Variants in SAV1 observed in about 807,000 individuals in gnomAD.
SAV1 encodes the protein salvador family WW domain containing protein 1.
In SAV1, 23 loss-of-function variants were observed where a neutral mutation model predicts 47.3. The observed-to-expected ratio is 0.49, with a 90% CI of 0.35 to 0.69. The LOEUF is 0.69. Among genes scored for constraint, SAV1 ranks in the 30% least tolerant of loss-of-function variants. The pLI is 0.01. For synonymous variants in SAV1, 155 were observed against 159.2 expected (o/e 0.97, Z 0.20); for missense variants, 448 against 457.4 (o/e 0.98, Z 0.19).
chr14:50,664,762 G>A (rs1231417218), intron 2 of SAV1: 1 of 154,846 alleles, frequency 6.5e-6, no homozygotes. Flanking sequence ...AGCATGCCCA[G>A]TTGTTCCTAC....
At chr14:50,650,718 T>C (rs1483689640) in intron 2 of SAV1, among the ~76,000 whole-genome samples, 1 of 152,010 alleles carries the variant, frequency 6.6e-6, no homozygotes, top group Non-Finnish European at 1.5e-5. Context: ...GCCTTGTGAG[T>C]GAACTTAGAA....
chr14:50,666,635 C>A (rs1354600439), intron 1 of SAV1, among the ~76,000 whole-genome samples: 1 of 152,122 alleles, frequency 6.6e-6, no homozygotes, highest in African/African-American at 2.4e-5. Flanking sequence ...ACATGTACCC[C>A]AGAACTTAAA....
Position 50,635,091 on chromosome 14 carries a change from C to A in SAV1, c.*92G>T. 4 of 810,512 alleles carry A rather than the reference C, an allele frequency of 4.9e-6. No individual in the cohort carries two copies. The highest frequency in any genetic ancestry group is 1.7e-5 in the South Asian group (1 of 59,790). 50.2% of individuals were successfully genotyped at this position (810,512 alleles called of 1,614,324 possible). A position where few individuals can be genotyped will look rare whatever the true frequency, so the allele number is the denominator to read the frequency against. On this transcript the variant is annotated 3_prime_UTR_variant, in exon 5 of 5. Transcript: ENST00000324679. ...AATTTTATAATTTCCACAAAGGAAG[C>A]AGCATTTATTAACCAGAGTACTTGT...
Position 50,665,339 on chromosome 14 carries a change from T to C in SAV1, c.375A>G (p.Glu125=). 6.2e-7 allele frequency: 1 copy of C among 1,613,752 alleles called. No individual in the cohort carries two copies. The highest frequency in any genetic ancestry group is 1.1e-5 in the South Asian group (1 of 91,046). Residue 125 remains glutamate, a synonymous_variant, in exon 2 of 5, where the codon GAA becomes GAG. Coordinates refer to ENST00000324679, the MANE Select transcript of SAV1 (RefSeq NM_021818.4). ...AATATCGGGAACCAGAGTCTCCATT[T>C]TCAACAGCAAAACTAACTTCCGTTA... ...SFVTEVSFAV[E]NGDSGSRYYY...
intron 2 of SAV1, among the ~76,000 whole-genome samples, chr14:50,663,821 G>C (rs11850009): frequency 0.02 from 2,989 of 152,226 alleles, 101 homozygotes; most frequent in African/African-American, 0.068. Flanking sequence ...AAATGTGCAA[G>C]AGCTTCCACT....
chr14:50,656,506 G>T (rs149315254), intron 2 of SAV1, among the ~76,000 whole-genome samples: 6,343 of 147,454 alleles, frequency 0.043, 161 homozygotes, highest in South Asian at 0.066. Context: ...GCGGTGGCGC[G>T]ATCTCCGCTC....
At chr14:50,643,809 AAC>A (rs1467037799) in intron 3 of SAV1, among the ~76,000 whole-genome samples, 1 of 152,246 alleles carries the variant, frequency 6.6e-6, no homozygotes, top group East Asian at 1.9e-4. Flanking sequence ...TAATTAAAAC[AAC>A]ACAATAATGA....
At chr14:50,664,025 C>G (rs756775762) in intron 2 of SAV1, among the ~76,000 whole-genome samples, 6 of 152,190 alleles carry the variant, frequency 3.9e-5, no homozygotes, top group Non-Finnish European at 8.8e-5. Context: ...AAGCTCAAGG[C>G]CCACTCCAAG....
At chr14:50,646,943 C>T (rs79294876) in intron 2 of SAV1, among the ~76,000 whole-genome samples, 4 of 152,186 alleles carry the variant, frequency 2.6e-5, no homozygotes, top group Non-Finnish European at 5.9e-5. Context: ...TCCAGAAGAA[C>T]ACCCACACAG....
chr14:50,656,020 G>A (rs1173863424), intron 2 of SAV1, among the ~76,000 whole-genome samples: 1 of 152,176 alleles, frequency 6.6e-6, no homozygotes, highest in Admixed American at 6.5e-5. Flanking sequence ...ACTCCAGCCT[G>A]GGCAACAAAA....
At chr14:50,665,652 C>A in intron 1 of SAV1, 33 bp from the exon 2 acceptor site, 3 of 1,510,578 alleles carry the variant, frequency 2.0e-6, no homozygotes, top group South Asian at 2.6e-5. Context: ...ATTACCCTTT[C>A]ATCATTAAGT....
At chr14:50,654,184 T>G (rs1277564983) in intron 2 of SAV1, among the ~76,000 whole-genome samples, 1 of 152,234 alleles carries the variant, frequency 6.6e-6, no homozygotes, top group African/African-American at 2.4e-5. Flanking sequence ...CTGTAGCATG[T>G]GATGCTGTTT....
At chr14:50,659,073 ATT>A (rs33946852) in intron 2 of SAV1, among the ~76,000 whole-genome samples, 86,380 of 131,148 alleles carry the variant, frequency 0.66, 27,498 homozygotes, top group East Asian at 0.77. Context: ...GCTGTAAAGA[ATT>A]TTTTTTTTTT....
chr14:50,640,843 G>A lies in SAV1; in HGVS notation c.857C>T (p.Thr286Ile), dbSNP rs747083851. The stretch of plus-strand genomic sequence containing the variant: ...TACCAGAAGGGACTGATTTCTTTCA[G>A]TTTGCTGTGGCTGGTATGTGACAGG... ...PPPVTYQPQQTERNQSLLVPA... is the reference protein window; with the variant it reads ...PPPVTYQPQQIERNQSLLVPA... Residue 286 changes from threonine (T) to isoleucine (I), a missense_variant, in exon 4 of 5, where the codon ACT becomes ATT. Physicochemically the swap from Thr to Ile is moderately conservative, Grantham distance 89 (BLOSUM62 -1). Coordinates refer to ENST00000324679, the MANE Select transcript of SAV1 (RefSeq NM_021818.4). The A allele has an allele frequency of 1.2e-6, 2 of 1,613,708 alleles. No homozygotes were observed. Among genetic ancestry groups the A allele is most frequent in the Admixed American group, 3.3e-5 (2 of 60,012 alleles).
chr14:50,648,125 T>C (rs978786608), intron 2 of SAV1, among the ~76,000 whole-genome samples: 2 of 152,236 alleles, frequency 1.3e-5, no homozygotes, highest in Non-Finnish European at 2.9e-5. Context: ...GAACTAATTA[T>C]TGGTACATGC....
Position 50,634,158 on chromosome 14 carries a change from T to C in SAV1, c.*1025A>G, listed in dbSNP as rs2039611604. 2 of 455,372 alleles carry C rather than the reference T, an allele frequency of 4.4e-6. No individual in the cohort carries two copies. Among genetic ancestry groups the C allele is most frequent in the Non-Finnish European group, 8.8e-6 (2 of 226,378 alleles). The allele number at this position is 455,372 out of a possible 1,614,324, so 28.2% of individuals were successfully genotyped here. ...ACTGCCTCGTCAGAGCCATGCTAAATGCAGTAACAGCACTGGCTGAAAATA... is the reference window on the plus strand; with the variant it reads ...ACTGCCTCGTCAGAGCCATGCTAAACGCAGTAACAGCACTGGCTGAAAATA... On this transcript the variant is annotated 3_prime_UTR_variant, in exon 5 of 5. Transcript: ENST00000324679.
At chr14:50,650,776 CTT>C (rs2039761469) in intron 2 of SAV1, among the ~76,000 whole-genome samples, 1 of 152,186 alleles carries the variant, frequency 6.6e-6, no homozygotes, top group Non-Finnish European at 1.5e-5. Context: ...AATCCCAGCA[CTT>C]TGGGAGGCCA....
chr14:50,636,643 C>T lies in SAV1; in HGVS notation c.951-1259G>A, dbSNP rs117314109. 2.1e-3 allele frequency among the ~76,000 whole-genome samples: 314 copies of T among 152,192 alleles called. 1 individual carries two copies. The highest frequency in any genetic ancestry group is 3.6e-3 in the Non-Finnish European group (247 of 68,000). On this transcript the variant is annotated intron_variant, in intron 4 of 4. Transcript: ENST00000324679. ...CCATTTCAGTATGTGATGAAGACAGCACTGTAATTAATATTCTCATTTTAA... is the reference window on the plus strand; with the variant it reads ...CCATTTCAGTATGTGATGAAGACAGTACTGTAATTAATATTCTCATTTTAA...
At chr14:50,664,976 A>T in intron 2 of SAV1, 1 of 548,740 alleles carries the variant, frequency 1.8e-6, no homozygotes, top group Non-Finnish European at 2.9e-6. Context: ...AACATGAGTT[A>T]ATAAAATAAA....
Sources: allele counts gnomAD v4.1 joint callset (sites outside exome capture counted in the v4.1 genomes callset), GRCh38; gene constraint gnomAD v4.1.1; transcripts MANE v1.5; gene names NCBI Gene and HGNC (gene_info 2026-07-23, HGNC 2026-07-21).